RASSF3: variants seen among roughly 807,000 people sequenced by gnomAD.
RASSF3 encodes the protein Ras association domain family member 3.
RASSF3 carries 19 observed loss-of-function variants against 19.9 expected under a neutral mutation model. That is an observed-to-expected ratio of 0.96 (90% CI 0.67 to 1.40). RASSF3 has a LOEUF of 1.40. RASSF3 is among the 40% of genes most tolerant of loss of function. The pLI, the probability that RASSF3 is intolerant of heterozygous loss-of-function variation, is 0.00. For missense variants in RASSF3, 306 were observed against 289.8 expected (o/e 1.06, Z -0.41); for synonymous variants, 110 against 104.2 (o/e 1.06, Z -0.34).
chr12:64,661,466 A>T (rs867648074), intron 1 of RASSF3, among the ~76,000 whole-genome samples: 1 of 151,866 alleles, frequency 6.6e-6, no homozygotes, highest in Admixed American at 6.6e-5. Context: ...TTGGGCGACA[A>T]AGTGAGACCC....
At chr12:64,663,873 A>G (rs1339725760) in intron 1 of RASSF3, among the ~76,000 whole-genome samples, 2 of 141,634 alleles carry the variant, frequency 1.4e-5, no homozygotes, top group East Asian at 2.1e-4. Context: ...GCCTCAACAG[A>G]GAATTCTTTA....
chr12:64,548,696 G>T (rs1477138035), intron 2 of RASSF3, among the ~76,000 whole-genome samples: 2 of 152,238 alleles, frequency 1.3e-5, no homozygotes, highest in East Asian at 3.9e-4. Context: ...ACCCTTTCCA[G>T]CAGTTCACAA....
chr12:64,686,536 A>G (rs1434943206), intron 2 of RASSF3, among the ~76,000 whole-genome samples: 1 of 152,140 alleles, frequency 6.6e-6, no homozygotes, highest in Non-Finnish European at 1.5e-5. Context: ...GCGTGAACCC[A>G]GGAGGCAGAG....
chr12:64,527,511 AT>A (rs1868613393), intron 1 of RASSF3, among the ~76,000 whole-genome samples: 1 of 152,200 alleles, frequency 6.6e-6, no homozygotes, highest in Non-Finnish European at 1.5e-5. Flanking sequence ...TATCTTCACA[AT>A]TTTTGCCATA....
intron 2 of RASSF3, among the ~76,000 whole-genome samples, chr12:64,558,625 T>C (rs564209586): frequency 1.3e-5 from 2 of 152,322 alleles, no homozygotes; most frequent in East Asian, 3.9e-4. Context: ...CTATGTCCAA[T>C]AATCCTTGAA....
In RASSF3 at chr12:64,653,663, G is replaced by A. The variant is rs563986230; in HGVS notation, c.112-31124G>A. On this transcript the variant is annotated intron_variant, in intron 1 of 4. Transcript: ENST00000542104. Reference sequence around the variant, plus strand: ...CATTGGAGCAGCCTTCACCTCCTGGGCCCAAGTGATCCTCCTGCCTCAGCT... The same window carrying A: ...CATTGGAGCAGCCTTCACCTCCTGGACCCAAGTGATCCTCCTGCCTCAGCT... Among the ~76,000 whole-genome samples, 6 of 151,938 alleles carry A rather than the reference G, an allele frequency of 3.9e-5. No homozygotes were observed. In the South Asian group the frequency reaches 1.2e-3, roughly 32 times the overall value.
At chr12:64,524,218 TTTTATTTATTTATTTATTTATTTA>T (rs59842662) in intron 1 of RASSF3, among the ~76,000 whole-genome samples, 9 of 137,790 alleles carry the variant, frequency 6.5e-5, no homozygotes, top group African/African-American at 8.1e-5. Context: ...TGCCCGGCAA[TTTTATTTATTTATTTATTTATTTA>T]TTTATTTATT....
intron 2 of RASSF3, among the ~76,000 whole-genome samples, chr12:64,685,783 G>A (rs1371009678): frequency 2.0e-5 from 3 of 152,200 alleles, no homozygotes; most frequent in East Asian, 3.8e-4. Context: ...ATAGGGAAAC[G>A]AGCTGACAGC....
chr12:64,665,142 G>A (rs1872504480), intron 1 of RASSF3, among the ~76,000 whole-genome samples: 1 of 152,208 alleles, frequency 6.6e-6, no homozygotes, highest in Admixed American at 6.5e-5. Flanking sequence ...CGCAGTGGAA[G>A]GTTCTAGGAG....
chr12:64,541,158 G>GT (rs1189293293), intron 1 of RASSF3, among the ~76,000 whole-genome samples: 1 of 148,914 alleles, frequency 6.7e-6, no homozygotes, highest in Non-Finnish European at 1.5e-5. Flanking sequence ...GCTGATTTTT[G>GT]TATTTTTAAC....
chr12:64,674,528 C>T (rs996268236), intron 1 of RASSF3, among the ~76,000 whole-genome samples: 3 of 152,164 alleles, frequency 2.0e-5, no homozygotes, highest in Non-Finnish European at 4.4e-5. Context: ...TTGCAGTGAG[C>T]CGATGTGGCC....
At chr12:64,507,156 C>T in exon 1 of RASSF3, 1 of 398,646 alleles carries the variant, frequency 2.5e-6, no homozygotes, top group Non-Finnish European at 4.4e-6. Flanking sequence ...CTGTGCTCCT[C>T]ATCCATGCTC....
chr12:64,636,034 A>G (rs773825435), intron 1 of RASSF3, among the ~76,000 whole-genome samples: 5 of 152,088 alleles, frequency 3.3e-5, no homozygotes, highest in Non-Finnish European at 7.3e-5. Flanking sequence ...CATGTACAAT[A>G]TGGGTGGAAA....
rs1173250672 is a variant in RASSF3, at chr12:64,604,139, T to G, written c.294+62434T>G. 2.0e-5 allele frequency among the ~76,000 whole-genome samples: 3 copies of G among 151,376 alleles called. No homozygotes were observed. The East Asian group carries it at 5.8e-4, about 29-fold the overall frequency. ...CGGATTACAGGTTTTCTTTTTTTTT[T>G]TTTTTAGACAGGGTTTGACTCCGTT... On this transcript the variant is annotated intron_variant, in intron 2 of 5. Transcript: ENST00000637125.
chr12:64,659,591 G>C (rs1436929578), intron 1 of RASSF3, among the ~76,000 whole-genome samples: 1 of 152,064 alleles, frequency 6.6e-6, no homozygotes, highest in Non-Finnish European at 1.5e-5. Context: ...GGAGAGGTTT[G>C]CAACAGTCTA....
chr12:64,562,552 G>A (rs1186385217), intron 2 of RASSF3, among the ~76,000 whole-genome samples: 19 of 152,046 alleles, frequency 1.2e-4, no homozygotes, highest in Non-Finnish European at 1.5e-5. Context: ...AATAAATGAT[G>A]CTCCTCTGCA....
chr12:64,580,464 TG>T (rs1869673405), intron 2 of RASSF3, among the ~76,000 whole-genome samples: 1 of 151,866 alleles, frequency 6.6e-6, no homozygotes, highest in African/African-American at 2.4e-5. Context: ...CCTGGGAGGC[TG>T]GGGTGGGAAG....
At chr12:64,543,448 G>GCCCGCCCC (rs1868985454), downstream of RASSF3, among the ~76,000 whole-genome samples, 2 of 6,350 alleles carry the variant, frequency 3.1e-4, no homozygotes, top group African/African-American at 4.2e-4. Flanking sequence ...CCCCGTGCCC[G>GCCCGCCCC]CCCGCCCCCC....
At chr12:64,555,908 C>A (rs1245320654) in intron 2 of RASSF3, among the ~76,000 whole-genome samples, 5 of 152,036 alleles carry the variant, frequency 3.3e-5, no homozygotes, top group African/African-American at 1.2e-4. Flanking sequence ...AAGAAAAAGT[C>A]TCCCCCTTAA....
Sources: gnomAD v4.1 joint callset for allele counts (sites outside exome capture counted in the v4.1 genomes callset) on GRCh38, gnomAD v4.1.1 for gene constraint, MANE v1.5 for transcripts, NCBI Gene and HGNC (gene_info 2026-07-23, HGNC 2026-07-21) for gene names.